The following CFAP299 variants were observed in gnomAD, a reference collection of about 807,000 sequenced individuals.
CFAP299 encodes the protein cilia and flagella associated protein 299.
Under a neutral mutation model 27.0 loss-of-function variants are expected in CFAP299, and 21 were observed. The ratio of observed to expected loss-of-function variants is 0.78; its 90% CI spans 0.55 to 1.12. The LOEUF (loss-of-function observed/expected upper bound fraction) is 1.12, where lower values mean the gene tolerates loss of function less well. Among genes scored for constraint, CFAP299 ranks in the 50% most tolerant of loss-of-function variants. The pLI is 0.00. For missense variants in CFAP299, 310 were observed against 276.6 expected (o/e 1.12, Z -0.86); for synonymous variants, 104 against 98.1 (o/e 1.06, Z -0.36).
intron 3 of CFAP299, among the ~76,000 whole-genome samples, chr4:80,628,717 TG>T (rs1399661034): frequency 1.3e-5 from 2 of 152,170 alleles, no homozygotes; most frequent in African/African-American, 2.4e-5. Flanking sequence ...TTAAAAAGTA[TG>T]TGAAACAAAA....
At chr4:80,346,250 T>C (rs1467822086) in intron 1 of CFAP299, among the ~76,000 whole-genome samples, 1 of 152,004 alleles carries the variant, frequency 6.6e-6, no homozygotes, top group East Asian at 1.9e-4. Context: ...TGGTAGTTTC[T>C]TTTGCTGTGC....
upstream of CFAP299, among the ~76,000 whole-genome samples, chr4:80,333,491 C>T (rs1722014789): frequency 6.6e-6 from 1 of 152,232 alleles, no homozygotes; most frequent in African/African-American, 2.4e-5. Flanking sequence ...AAAACATTCC[C>T]TTCCTGTCAT....
intron 1 of CFAP299, among the ~76,000 whole-genome samples, chr4:80,361,314 T>C (rs1198978887): frequency 6.6e-6 from 1 of 152,242 alleles, no homozygotes; most frequent in Non-Finnish European, 1.5e-5. Flanking sequence ...ATCTTTATTA[T>C]GCAAAATTCT....
At chr4:80,660,464 A>G (rs1000445713) in intron 3 of CFAP299, among the ~76,000 whole-genome samples, 11 of 152,222 alleles carry the variant, frequency 7.2e-5, no homozygotes, top group African/African-American at 2.2e-4. Flanking sequence ...TTTGTTAGGC[A>G]TAATAATGTC....
intron 4 of CFAP299, among the ~76,000 whole-genome samples, chr4:80,915,075 G>A (rs1020569186): frequency 1.3e-5 from 2 of 151,402 alleles, no homozygotes; most frequent in Non-Finnish European, 2.9e-5. Flanking sequence ...CCTAAGCACT[G>A]CTTTGGTTCA....
chr4:80,455,634 T>TG (rs1410347518), intron 2 of CFAP299, among the ~76,000 whole-genome samples: 1 of 151,320 alleles, frequency 6.6e-6, no homozygotes, highest in Non-Finnish European at 1.5e-5. Context: ...TTGTAGAGAG[T>TG]GAAAAAAAAA....
chr4:80,866,096 T>TATATATATAG (rs1732729159), intron 3 of CFAP299, among the ~76,000 whole-genome samples: 1 of 130,420 alleles, frequency 7.7e-6, no homozygotes, highest in Non-Finnish European at 1.6e-5. Context: ...TATATATATA[T>TATATATATAG]CTTCCCAAAT....
chr4:80,571,149 T>G (rs547876071), intron 2 of CFAP299, among the ~76,000 whole-genome samples: 118 of 151,928 alleles, frequency 7.8e-4, no homozygotes, highest in Middle Eastern at 3.4e-3. Flanking sequence ...CTGTAGGAGG[T>G]GGGAAAATGG....
chr4:80,884,054 T>A (rs969403536), intron 4 of CFAP299, among the ~76,000 whole-genome samples: 1 of 152,204 alleles, frequency 6.6e-6, no homozygotes, highest in Admixed American at 6.5e-5. Context: ...TGTGTGGTGT[T>A]CCCTTCTATG....
chr4:80,575,005 T>C (rs532103530), intron 2 of CFAP299, among the ~76,000 whole-genome samples: 29 of 152,284 alleles, frequency 1.9e-4, no homozygotes, highest in African/African-American at 7.0e-4. Flanking sequence ...TCTATCCTTT[T>C]CTATTTTTCA....
the CFAP299 span, among the ~76,000 whole-genome samples, chr4:80,321,853 C>T: frequency 9.9e-5 from 15 of 152,064 alleles, no homozygotes; most frequent in African/African-American, 3.1e-4. Flanking sequence ...TTGAGTCCAT[C>T]GAAAAATGTT....
chr4:80,727,419 T>A (rs1723225034), intron 3 of CFAP299, among the ~76,000 whole-genome samples: 1 of 152,106 alleles, frequency 6.6e-6, no homozygotes, highest in Non-Finnish European at 1.5e-5. Context: ...AGAATATAAA[T>A]TGTTTTGATT....
intron 2 of CFAP299, among the ~76,000 whole-genome samples, chr4:80,379,677 A>G (rs985843245): frequency 1.3e-5 from 2 of 152,062 alleles, no homozygotes; most frequent in African/African-American, 4.8e-5. Flanking sequence ...TATGTTGTTT[A>G]ACCTCTAAAT....
At chr4:80,741,734 C>T (rs980706755) in intron 3 of CFAP299, among the ~76,000 whole-genome samples, 1 of 152,150 alleles carries the variant, frequency 6.6e-6, no homozygotes, top group Non-Finnish European at 1.5e-5. Context: ...TCCACTTGTT[C>T]TAAGCCAGTG....
At chr4:80,405,082 T>C (rs1314643587) in intron 2 of CFAP299, among the ~76,000 whole-genome samples, 1 of 152,136 alleles carries the variant, frequency 6.6e-6, no homozygotes, top group Admixed American at 6.5e-5. Flanking sequence ...GTATGGACAA[T>C]TGTGGGATGT....
At chr4:80,670,236 G>C (rs1395613656) in intron 3 of CFAP299, among the ~76,000 whole-genome samples, 1 of 151,850 alleles carries the variant, frequency 6.6e-6, no homozygotes, top group East Asian at 1.9e-4. Flanking sequence ...AAAACATGCA[G>C]TGTTTGGTTT....
intron 2 of CFAP299, among the ~76,000 whole-genome samples, chr4:80,502,490 T>C (rs867313324): frequency 6.6e-6 from 1 of 152,222 alleles, no homozygotes; most frequent in South Asian, 2.1e-4. Context: ...AACAGGCAAA[T>C]AAGAAATGGT....
chr4:80,933,446 C>T (rs554598300), intron 4 of CFAP299, among the ~76,000 whole-genome samples: 42 of 152,142 alleles, frequency 2.8e-4, no homozygotes, highest in Admixed American at 7.2e-4. Flanking sequence ...CCAACAGGTC[C>T]GTGCACGGTG....
At chr4:80,562,325 C>T (rs1735071530) in intron 2 of CFAP299, among the ~76,000 whole-genome samples, 1 of 151,946 alleles carries the variant, frequency 6.6e-6, no homozygotes. Context: ...AGGCTGGGCA[C>T]CATGGCTCAA....
Sources: gnomAD v4.1 joint callset for allele counts (sites outside exome capture counted in the v4.1 genomes callset) on GRCh38, gnomAD v4.1.1 for gene constraint, MANE v1.5 for transcripts, NCBI Gene and HGNC (gene_info 2026-07-23, HGNC 2026-07-21) for gene names.